OSBPL1A: variants seen among roughly 807,000 people sequenced by gnomAD.
The protein encoded by OSBPL1A is oxysterol-binding protein-related protein 1.
In OSBPL1A, 80 loss-of-function variants were observed where a neutral mutation model predicts 137.1. That is an observed-to-expected ratio of 0.58 (90% confidence interval 0.49 to 0.70). The LOEUF (loss-of-function observed/expected upper bound fraction) is 0.70, where lower values mean the gene tolerates loss of function less well. Ranked by LOEUF, OSBPL1A falls within the 30% of genes least tolerant of loss-of-function variation. The probability of loss-of-function intolerance (pLI) is 0.00; values close to 1 mark genes in which losing one functional copy is unlikely to be tolerated. For synonymous variants in OSBPL1A, 365 were observed against 389.7 expected, an observed-to-expected ratio of 0.94 and a Z score of 0.75; for missense variants, 970 against 1,129.4, an observed-to-expected ratio of 0.86 and a Z score of 2.02.
chr18:24,216,929 T>C (rs1243123899), intron 17 of OSBPL1A, among the ~76,000 whole-genome samples: 2 of 152,214 alleles, frequency 1.3e-5, no homozygotes, highest in African/African-American at 4.8e-5. Flanking sequence ...ACTCTATGTC[T>C]GGGGCAGGAA....
chr18:24,384,596 C>A (rs773956142), intron 1 of OSBPL1A, among the ~76,000 whole-genome samples: 1 of 116,686 alleles, frequency 8.6e-6, no homozygotes. Context: ...GGGCCGGGGG[C>A]GGGTGGCTCA....
chr18:24,286,357 T>A (rs934689910), intron 14 of OSBPL1A, among the ~76,000 whole-genome samples: 1 of 152,178 alleles, frequency 6.6e-6, no homozygotes, highest in Non-Finnish European at 1.5e-5. Context: ...AATAGAAATC[T>A]ATTTTTTGTT....
rs1325516739 is a variant in OSBPL1A at position 24,280,856 on chromosome 18, T to C, written c.1267A>G (p.Thr423Ala). Reference protein sequence around the residue: ...VALTDCLNLFTKQEGVRNFKL... With the variant: ...VALTDCLNLFAKQEGVRNFKL... ...GAACTACCTACCCCTTCTTGTTTGG[T>C]GAAGAGATTAAGGCAATCAGTCAAA... The change falls in exon 15 of 28, where the codon ACC becomes GCC. Residue 423 changes from threonine to alanine, a missense_variant. By Grantham distance (58) the Thr-to-Ala change is moderately conservative (BLOSUM62 0). Around this residue, in one of 2 missense-constraint regions of OSBPL1A, gnomAD observed 647 missense variants for 672.6 expected, o/e 0.96. Transcript: ENST00000319481. The C allele has an allele frequency of 1.3e-6, 2 of 1,591,890 alleles. No homozygotes were observed. The highest frequency in any genetic ancestry group is 2.7e-5 in the African/African-American group (2 of 73,408).
rs1227600705 is a variant in OSBPL1A, at chr18:24,196,145, G to A, written c.1657C>T (p.Leu553Phe). The change falls in exon 18 of 28, where the codon CTC becomes TTC. Residue 553 changes from leucine to phenylalanine, a missense_variant. By Grantham distance (22) the Leu-to-Phe change is conservative. Around this residue, in one of 2 missense-constraint regions of OSBPL1A, gnomAD observed 647 missense variants for 672.6 expected, o/e 0.96. Transcript: ENST00000319481. ...TTTACCATTCCAATACATTTTCTGA[G>A]GATGCTCCAGATACTGAAGTCATTT... ...SRNDFSIWSI[L>F]RKCIGMELSK... The A allele has an allele frequency of 6.2e-7, 1 of 1,610,946 alleles. No individual in the cohort carries two copies. The highest frequency in any genetic ancestry group is 1.1e-5 in the South Asian group (1 of 91,012).
chr18:24,365,625 CTA>C (rs2091693593), intron 4 of OSBPL1A, among the ~76,000 whole-genome samples: 1 of 151,210 alleles, frequency 6.6e-6, no homozygotes, highest in East Asian at 1.9e-4. Context: ...TATCTAATAT[CTA>C]GAGAAAGGAA....
At position 24,249,479 on chromosome 18, in the gene OSBPL1A, C is replaced by T. The variant is rs373124822; in HGVS notation, c.1282-10097G>A. On this transcript the variant is annotated intron_variant, in intron 15 of 27. Coordinates refer to ENST00000319481, the MANE Select transcript of OSBPL1A (RefSeq NM_080597.4). ...AAAAATCAGGTGAGCAATCACAGCA[C>T]CTGATTTCATATCTCTGAAAAAGGT... Among the ~76,000 whole-genome samples the T allele has an allele frequency of 3.9e-5, 6 of 152,300 alleles. No homozygotes were observed. In the South Asian group the frequency reaches 1.0e-3, roughly 26 times the overall value.
At chr18:24,263,955 A>G (rs926037398) in intron 15 of OSBPL1A, among the ~76,000 whole-genome samples, 3 of 152,142 alleles carry the variant, frequency 2.0e-5, no homozygotes, top group African/African-American at 7.2e-5. Context: ...ACATTTTAAC[A>G]ACTATTTACT....
rs2090381067 is a variant in OSBPL1A, at chr18:24,300,603, G to A, written c.1174+3034C>T. 1.3e-5 allele frequency among the ~76,000 whole-genome samples: 2 copies of A among 152,216 alleles called. 1 individual carries two copies. The highest frequency in any genetic ancestry group is 6.8e-3 in the Middle Eastern group (2 of 294). ...CAGGCTGCTGCAGTGATCTGGATTT[G>A]AGGGGATATAGAACTCAACAAGTAT... On this transcript the variant is annotated intron_variant, in intron 14 of 27. Transcript: ENST00000319481.
chr18:24,380,959 AAAAAAAAAAGAAAAG>A (rs1300832792), intron 1 of OSBPL1A, among the ~76,000 whole-genome samples: 1 of 151,950 alleles, frequency 6.6e-6, no homozygotes, highest in Non-Finnish European at 1.5e-5. Flanking sequence ...TCTCAAAAAA[AAAAAAAAAAGAAAAG>A]AAAAAAGAAA....
At position 24,389,669 on chromosome 18, in the gene OSBPL1A, G is replaced by C. The variant is rs139435170; in HGVS notation, c.-3+7986C>G. On this transcript the variant is annotated intron_variant, in intron 1 of 27. Coordinates refer to ENST00000319481, the MANE Select transcript of OSBPL1A (RefSeq NM_080597.4). ...AATATATACAGAATTGGCCAGGTGC[G>C]GTGGCTCACGCCTGTACTCCCAACA... Among the ~76,000 whole-genome samples, 713 of 152,184 alleles carry C rather than the reference G, an allele frequency of 4.7e-3. 4 individuals are homozygous for C. The highest frequency in any genetic ancestry group is 0.016 in the African/African-American group (682 of 41,512).
At chr18:24,337,375 T>TTAACATAACATTAACATAACA (rs1555652915) in intron 5 of OSBPL1A, among the ~76,000 whole-genome samples, 5 of 141,314 alleles carry the variant, frequency 3.5e-5, no homozygotes, top group African/African-American at 1.1e-4. Context: ...AAACATAACA[T>TTAACATAACATTAACATAACA]TAACATAACA....
chr18:24,358,179 G>C (rs543013943), intron 4 of OSBPL1A: 4 of 454,134 alleles, frequency 8.8e-6, no homozygotes, highest in South Asian at 8.8e-5. Flanking sequence ...AAATGGACAA[G>C]GGCAGCAACT....
intron 7 of OSBPL1A, among the ~76,000 whole-genome samples, chr18:24,320,558 T>A (rs1414425048): frequency 6.6e-6 from 1 of 152,086 alleles, no homozygotes; most frequent in Non-Finnish European, 1.5e-5. Flanking sequence ...AGGCAAGAGA[T>A]AAAGTCAGAG....
At chr18:24,333,140 C>T (rs2091114567) in intron 6 of OSBPL1A, 54 bp from the exon 7 acceptor site, 1 of 1,574,832 alleles carries the variant, frequency 6.3e-7, no homozygotes. Context: ...AGACTTTCCT[C>T]TCATAATTCA....
At chr18:24,210,415 G>A (rs978479152) in intron 17 of OSBPL1A, among the ~76,000 whole-genome samples, 1 of 151,918 alleles carries the variant, frequency 6.6e-6, no homozygotes, top group African/African-American at 2.4e-5. Flanking sequence ...TCCAGCCTGG[G>A]TGATGGAGTG....
intron 5 of OSBPL1A, among the ~76,000 whole-genome samples, chr18:24,337,916 T>G (rs1003567210): frequency 4.0e-5 from 6 of 151,788 alleles, no homozygotes; most frequent in African/African-American, 1.5e-4. Flanking sequence ...CTCAAATAGT[T>G]CAACAAAAAA....
At chr18:24,360,603 A>G (rs543413890) in intron 4 of OSBPL1A, among the ~76,000 whole-genome samples, 1 of 152,346 alleles carries the variant, frequency 6.6e-6, no homozygotes, top group African/African-American at 2.4e-5. Flanking sequence ...CAGATCTTCA[A>G]ACAACACCAT....
At chr18:24,259,610 C>A (rs1488506483) in intron 15 of OSBPL1A, among the ~76,000 whole-genome samples, 1 of 152,082 alleles carries the variant, frequency 6.6e-6, no homozygotes, top group Non-Finnish European at 1.5e-5. Context: ...GCCATACAGG[C>A]CCAGACTGCC....
intron 1 of OSBPL1A, among the ~76,000 whole-genome samples, chr18:24,378,305 G>T (rs1032887196): frequency 6.6e-6 from 1 of 152,128 alleles, no homozygotes; most frequent in Non-Finnish European, 1.5e-5. Context: ...TGCTGGCATG[G>T]GCAGGAAATA....
Sources: allele counts gnomAD v4.1 joint callset (sites outside exome capture counted in the v4.1 genomes callset), GRCh38; gene constraint gnomAD v4.1.1; regional missense constraint gnomAD v4.1.1; transcripts MANE v1.5; gene names NCBI Gene and HGNC (gene_info 2026-07-23, HGNC 2026-07-21).